SEC62: variants seen among roughly 807,000 people sequenced by gnomAD.
SEC62 encodes the protein translocation protein SEC62.
A neutral mutation model predicts 47.5 loss-of-function variants in SEC62; 10 were observed. The ratio of observed to expected loss-of-function variants is 0.21; its 90% CI spans 0.13 to 0.36. The LOEUF (loss-of-function observed/expected upper bound fraction) is 0.36, where lower values mean the gene tolerates loss of function less well. SEC62 is among the 10% of genes least tolerant of loss of function. The probability of loss-of-function intolerance (pLI) is 1.00; values close to 1 mark genes in which losing one functional copy is unlikely to be tolerated. For missense variants in SEC62, 327 were observed against 464.1 expected, an observed-to-expected ratio of 0.70 and a Z score of 2.71; for synonymous variants, 136 against 150.5, an observed-to-expected ratio of 0.90 and a Z score of 0.71.
In SEC62 at chr3:169,977,020, A is replaced by G; in HGVS notation, c.220A>G (p.Thr74Ala). The change falls in exon 3 of 8, where the codon ACC becomes GCC. Residue 74 changes from threonine (T) to alanine (A), a missense_variant. By Grantham distance (58) the Thr-to-Ala change is moderately conservative (BLOSUM62 0). Transcript: ENST00000337002. ...GAAAGGAGAGGAAGCTTTATTTACAACCAGGGAGTCTGTGGTTGACTACTG... is the reference window on the plus strand; with the variant it reads ...GAAAGGAGAGGAAGCTTTATTTACAGCCAGGGAGTCTGTGGTTGACTACTG... ...AKKGEEALFT[T>A]RESVVDYCNR... 1 of 1,611,512 alleles carries G rather than the reference A, an allele frequency of 6.2e-7. No homozygotes were observed. Among genetic ancestry groups the G allele is most frequent in the Admixed American group, 1.7e-5 (1 of 60,002 alleles).
intron 1 of SEC62, among the ~76,000 whole-genome samples, chr3:169,970,811 A>T (rs1182221500): frequency 6.6e-6 from 1 of 152,178 alleles, no homozygotes; most frequent in African/African-American, 2.4e-5. Flanking sequence ...GTTTCTCTTT[A>T]TTAGTGGGTG....
At position 169,997,805 on chromosome 3, in the gene SEC62, G is replaced by C. The variant is rs143434786; in HGVS notation, c.*4742G>C. The C allele has an allele frequency of 1.8e-4, 27 of 152,262 alleles. No individual in the cohort carries two copies. The highest frequency in any genetic ancestry group is 6.5e-4 in the African/African-American group (27 of 41,550). The allele number at this position is 152,262 out of a possible 1,614,324, so 9.4% of individuals were successfully genotyped here. A position where few individuals can be genotyped will look rare whatever the true frequency, so the allele number is the denominator to read the frequency against. On this transcript the variant is annotated 3_prime_UTR_variant, in exon 8 of 8. Coordinates refer to ENST00000337002, the MANE Select transcript of SEC62 (RefSeq NM_003262.4). ...TTAAATGCAGAAAAGGAAATGCATG[G>C]GGTTACAAGGGAAACGAATTACACT...
intron 3 of SEC62, chr3:169,978,603 G>C (rs1337883415): frequency 6.6e-6 from 1 of 151,990 alleles, no homozygotes; most frequent in East Asian, 1.9e-4. Flanking sequence ...GCATGCACCT[G>C]TAGTCCCAGC....
chr3:169,969,649 TC>T lies in SEC62; in HGVS notation c.36+2792del, dbSNP rs139342932. Among the ~76,000 whole-genome samples, 829 of 152,284 alleles carry T rather than the reference TC, an allele frequency of 5.4e-3. 38 individuals are homozygous for T. In the East Asian group the frequency reaches 0.13, roughly 25 times the overall value. On this transcript the variant is annotated intron_variant, in intron 1 of 7. Transcript: ENST00000337002. The stretch of plus-strand genomic sequence containing the variant: ...TTGTGACTTAATCCAGGATCGTCAA[TC>T]AAGATAGTAAAACCAGATTTAGACC...
At chr3:169,984,259 T>A (rs146044948) in intron 5 of SEC62, among the ~76,000 whole-genome samples, 3 of 152,336 alleles carry the variant, frequency 2.0e-5, no homozygotes, top group Non-Finnish European at 4.4e-5. Flanking sequence ...GTGAACCCCT[T>A]GTTGAGAACC....
At position 169,988,359 on chromosome 3, in the gene SEC62, G is replaced by T. The variant is rs1036740894; in HGVS notation, c.730G>T (p.Ala244Ser). Reference protein sequence around the residue: ...FVASILLLAVARCILFLIIWL... With the variant: ...FVASILLLAVSRCILFLIIWL... ...AGCCAGTATTCTTCTCCTTGCTGTT[G>T]GTAAGTATTGTTATTATAAAATTGA... The change falls in exon 7 of 8, where the codon GCT becomes TCT. Residue 244 changes from alanine (A) to serine (S), a missense_variant and splice_region_variant. Physicochemically the swap from Ala to Ser is moderately conservative, Grantham distance 99. Coordinates refer to ENST00000337002, the MANE Select transcript of SEC62 (RefSeq NM_003262.4). The T allele has an allele frequency of 1.9e-6, 3 of 1,612,882 alleles. No homozygotes were observed. The highest frequency in any genetic ancestry group is 2.5e-6 in the Non-Finnish European group (3 of 1,179,340).
chr3:169,992,705 T>C lies in SEC62; in HGVS notation c.842T>C (p.Leu281Pro), dbSNP rs1715275011. ...GGCTTCATTGACTCCTTCAGGCCTC[T>C]GTACACACATGAATACAAAGGACCA... The part of the protein sequence containing the change: ...DVGFIDSFRP[L>P]YTHEYKGPKA... The change falls in exon 8 of 8, where the codon CTG becomes CCG. Residue 281 changes from leucine (L) to proline (P), a missense_variant. Leu to Pro is a moderately conservative substitution (Grantham distance 98, BLOSUM62 -3). Around this residue, in one of 3 missense-constraint regions of SEC62, gnomAD observed 99 missense variants for 194.0 expected, o/e 0.51. Transcript: ENST00000337002. This position sits in a 1 kb window ranked among gnomAD's most constrained non-coding sequence, Gnocchi z 4.0. The C allele has an allele frequency of 3.7e-6, 6 of 1,614,134 alleles. No individual in the cohort carries two copies. In the East Asian group the frequency reaches 1.1e-4, roughly 30 times the overall value.
At chr3:169,987,361 G>A (rs932678652) in intron 6 of SEC62, among the ~76,000 whole-genome samples, 8 of 152,140 alleles carry the variant, frequency 5.3e-5, no homozygotes, top group African/African-American at 1.7e-4. Flanking sequence ...CGAGGCTGTC[G>A]TGAGCCAAGA....
At chr3:169,986,194 T>A (rs777535763) in intron 6 of SEC62, among the ~76,000 whole-genome samples, 1 of 152,178 alleles carries the variant, frequency 6.6e-6, no homozygotes, top group Admixed American at 6.5e-5. Flanking sequence ...AACCTTAACA[T>A]TAAAGGTCTT....
intron 1 of SEC62, 87 bp downstream of exon 1, chr3:169,966,945 G>A (rs948825736): frequency 4.7e-6 from 2 of 421,588 alleles, no homozygotes; most frequent in Non-Finnish European, 9.5e-6. Flanking sequence ...GCGAGCGAAA[G>A]CAAGGGCGAG....
At chr3:169,987,711 T>C (rs1435597674) in intron 6 of SEC62, among the ~76,000 whole-genome samples, 1 of 152,162 alleles carries the variant, frequency 6.6e-6, no homozygotes, top group Non-Finnish European at 1.5e-5. Flanking sequence ...GCAAAAAAAC[T>C]GGAGACACTT....
rs1355612794 is a variant in SEC62 at position 169,994,096 on chromosome 3, C to T, written c.*1033C>T. On this transcript the variant is annotated 3_prime_UTR_variant, in exon 8 of 8. Coordinates refer to ENST00000337002, the MANE Select transcript of SEC62 (RefSeq NM_003262.4). ...ATTCAGAAATGAGATACTGTATTAT[C>T]AGACCAGGAGGCATTGCTGTGAAAG... 14 of 152,534 alleles carry T rather than the reference C, an allele frequency of 9.2e-5. No individual in the cohort carries two copies. The highest frequency in any genetic ancestry group is 1.5e-5 in the Non-Finnish European group (1 of 68,038). The allele number at this position is 152,534 out of a possible 1,614,324, so 9.4% of individuals were successfully genotyped here.
At chr3:169,983,926 C>T (rs1005823810) in intron 5 of SEC62, 2 of 152,168 alleles carry the variant, frequency 1.3e-5, no homozygotes, top group Non-Finnish European at 2.9e-5. Flanking sequence ...AGACACATCA[C>T]TTGAGGGGCT....
intron 1 of SEC62, among the ~76,000 whole-genome samples, chr3:169,971,061 C>T (rs865904780): frequency 1.3e-4 from 20 of 149,976 alleles, no homozygotes; most frequent in Admixed American, 4.6e-4. Flanking sequence ...TTCATGTTCT[C>T]ATGGTACTTT....
At chr3:169,977,330 A>G (rs543695768) in intron 3 of SEC62, among the ~76,000 whole-genome samples, 19 of 152,300 alleles carry the variant, frequency 1.2e-4, no homozygotes, top group Non-Finnish European at 2.5e-4. Flanking sequence ...ACAGTAGAAA[A>G]GAAAGTTTTT....
intron 7 of SEC62, among the ~76,000 whole-genome samples, chr3:169,991,589 T>A (rs1474955615): frequency 1.3e-5 from 2 of 152,054 alleles, no homozygotes; most frequent in Admixed American, 6.5e-5. Flanking sequence ...GGCACGTACC[T>A]GCTACTTGGA....
chr3:169,985,778 A>C, intron 5 of SEC62, 27 bp from the exon 6 acceptor site: 5 of 1,590,540 alleles, frequency 3.1e-6, no homozygotes, highest in Non-Finnish European at 4.3e-6. Context: ...AGAACTTTTA[A>C]GCACCGAGGT....
chr3:169,980,521 T>C (rs1027814843), intron 3 of SEC62, among the ~76,000 whole-genome samples: 15 of 152,194 alleles, frequency 9.9e-5, no homozygotes, highest in African/African-American at 3.6e-4. Context: ...TACTTTTCTT[T>C]CGTGGGGGTG....
intron 4 of SEC62, 84 bp from the exon 5 acceptor site, chr3:169,983,077 G>A: frequency 6.9e-7 from 1 of 1,439,630 alleles, no homozygotes. Flanking sequence ...GTTACAAATA[G>A]TCAGTGAAAG....
Sources: allele counts gnomAD v4.1 joint callset (sites outside exome capture counted in the v4.1 genomes callset), GRCh38; gene constraint gnomAD v4.1.1; regional missense constraint gnomAD v4.1.1; non-coding constraint Gnocchi (gnomAD v3.1); transcripts MANE v1.5; gene names NCBI Gene and HGNC (gene_info 2026-07-23, HGNC 2026-07-21).